The following RIN2 variants were observed in gnomAD, a reference collection of about 807,000 sequenced individuals.
RIN2 encodes RAB5 interacting protein 2.
Under a neutral mutation model 78.0 loss-of-function variants are expected in RIN2, and 36 were observed. That is an observed-to-expected ratio of 0.46 (90% CI 0.35 to 0.61). The LOEUF is 0.61. RIN2 is among the 20% of genes least tolerant of loss of function. The probability of loss-of-function intolerance (pLI) is 0.00; values close to 1 mark genes in which losing one functional copy is unlikely to be tolerated. For synonymous variants in RIN2, 466 were observed against 466.8 expected, an observed-to-expected ratio of 1.00 and a Z score of 0.02; for missense variants, 1,087 against 1,159.7, an observed-to-expected ratio of 0.94 and a Z score of 0.91.
At chr20:19,994,366 T>A (rs1388654226) in intron 11 of RIN2, among the ~76,000 whole-genome samples, 1 of 152,190 alleles carries the variant, frequency 6.6e-6, no homozygotes, top group East Asian at 1.9e-4. Flanking sequence ...AAAGTCCTCT[T>A]TGGTTTGCGG....
rs184285100 is a variant in RIN2, at chr20:19,868,718, A to T, written c.-36-20848A>T. ...GGGGACCCAGAAAGGGGAAGGGCTGATAATGGGAATAGGTAATGAAGGGAA... is the reference window on the plus strand; with the variant it reads ...GGGGACCCAGAAAGGGGAAGGGCTGTTAATGGGAATAGGTAATGAAGGGAA... On this transcript the variant is annotated intron_variant, in intron 2 of 12. Transcript: ENST00000255006. Among the ~76,000 whole-genome samples the T allele has an allele frequency of 1.3e-3, 194 of 152,280 alleles. 3 individuals are homozygous for T. Among genetic ancestry groups the T allele is most frequent in the Non-Finnish European group, 2.5e-4 (17 of 68,020 alleles).
At chr20:19,941,647 AC>A (rs1213907146) in intron 4 of RIN2, among the ~76,000 whole-genome samples, 1 of 152,098 alleles carries the variant, frequency 6.6e-6, no homozygotes, top group African/African-American at 2.4e-5. Flanking sequence ...CGGCTATGTC[AC>A]TGAGGATTCT....
In RIN2 at chr20:19,805,508, TCTC is replaced by T. The variant is rs548792113; in HGVS notation, c.-37+5764_-37+5766del. 2.7e-3 allele frequency among the ~76,000 whole-genome samples: 407 copies of T among 152,182 alleles called. 3 individuals carry two copies. Among genetic ancestry groups the T allele is most frequent in the African/African-American group, 9.6e-3 (400 of 41,500 alleles). On this transcript the variant is annotated intron_variant, in intron 2 of 12. Coordinates refer to ENST00000255006, the MANE Select transcript of RIN2 (RefSeq NM_018993.4). Reference sequence around the variant, plus strand: ...CCTCCACCTCCTGGGTTCAAGCAGTTCTCCTACCTCAGCCTCCCAGGTAGCTGG... The same window carrying T: ...CCTCCACCTCCTGGGTTCAAGCAGTTCTACCTCAGCCTCCCAGGTAGCTGG...
intron 2 of RIN2, among the ~76,000 whole-genome samples, chr20:19,866,000 G>A (rs2037494954): frequency 6.6e-6 from 1 of 151,922 alleles, no homozygotes; most frequent in Non-Finnish European, 1.5e-5. Flanking sequence ...CATTTATTGT[G>A]TACTTTATTT....
chr20:19,876,910 AAAAC>A (rs2037874360), intron 2 of RIN2, among the ~76,000 whole-genome samples: 1 of 151,378 alleles, frequency 6.6e-6, no homozygotes, highest in Non-Finnish European at 1.5e-5. Flanking sequence ...TCAAAAAAAA[AAAAC>A]AAAAAACAAA....
At chr20:19,758,688 T>TGTGC (rs1442630674) in intron 1 of RIN2, among the ~76,000 whole-genome samples, 1 of 151,884 alleles carries the variant, frequency 6.6e-6, no homozygotes, top group African/African-American at 2.4e-5. Context: ...GAGGTGCGGG[T>TGTGC]GTGCGTGCGT....
chr20:19,903,472 T>G lies in RIN2; in HGVS notation c.57+13814T>G, dbSNP rs151070526. ...AGGGGTGTTTCTTCCTTTCTCATTC[T>G]ACTTCCAGATTCTAGGCTTGTTTCA... On this transcript the variant is annotated intron_variant, in intron 3 of 12. Coordinates refer to ENST00000255006, the MANE Select transcript of RIN2 (RefSeq NM_018993.4). 1.8e-3 allele frequency among the ~76,000 whole-genome samples: 268 copies of G among 152,360 alleles called. 1 individual carries two copies. The highest frequency in any genetic ancestry group is 7.7e-3 in the East Asian group (40 of 5,186).
chr20:19,890,794 A>T (rs1476440372), intron 3 of RIN2, among the ~76,000 whole-genome samples: 2 of 151,890 alleles, frequency 1.3e-5, no homozygotes, highest in Non-Finnish European at 2.9e-5. Flanking sequence ...TTCATGTCTA[A>T]GCCAGGGGAG....
At chr20:19,807,698 A>C (rs561086648) in intron 2 of RIN2, among the ~76,000 whole-genome samples, 7 of 152,204 alleles carry the variant, frequency 4.6e-5, no homozygotes, top group Non-Finnish European at 8.8e-5. Context: ...TAAAAGCAGC[A>C]AGTAGAATGA....
intron 3 of RIN2, among the ~76,000 whole-genome samples, chr20:19,909,342 G>T (rs796639480): frequency 4.6e-5 from 7 of 152,218 alleles, no homozygotes; most frequent in East Asian, 1.9e-4. Flanking sequence ...GCCTTCAGAG[G>T]TTCCCAAATA....
At chr20:19,904,784 C>T (rs186439568) in intron 3 of RIN2, among the ~76,000 whole-genome samples, 27 of 152,240 alleles carry the variant, frequency 1.8e-4, no homozygotes, top group African/African-American at 5.8e-4. Context: ...AAAGCTCACC[C>T]GGCATTAGCA....
chr20:19,865,723 G>C (rs1039368292), intron 2 of RIN2, among the ~76,000 whole-genome samples: 1 of 151,802 alleles, frequency 6.6e-6, no homozygotes, highest in South Asian at 2.1e-4. Flanking sequence ...TCAAACTCCT[G>C]ACCTTAAGCA....
At chr20:19,863,469 A>T (rs1280180036) in intron 2 of RIN2, among the ~76,000 whole-genome samples, 2 of 152,098 alleles carry the variant, frequency 1.3e-5, no homozygotes, top group Non-Finnish European at 2.9e-5. Context: ...CCAATGACTG[A>T]TGGAAGTCAG....
chr20:19,936,545 A>G (rs1169396323), intron 4 of RIN2, among the ~76,000 whole-genome samples: 6 of 152,088 alleles, frequency 3.9e-5, no homozygotes, highest in African/African-American at 1.4e-4. Context: ...GATCAACCCC[A>G]AGCTCCACAG....
At chr20:19,813,779 C>T (rs781749884) in intron 2 of RIN2, among the ~76,000 whole-genome samples, 111 of 152,280 alleles carry the variant, frequency 7.3e-4, no homozygotes, top group Non-Finnish European at 8.1e-4. Context: ...GAATGTCCCA[C>T]ATGATTAATT....
Position 19,967,811 on chromosome 20 carries a change from CGGAATAGA to C in RIN2, c.536+2800_536+2807del, listed in dbSNP as rs371574825. On this transcript the variant is annotated intron_variant, in intron 7 of 12. Coordinates refer to ENST00000255006, the MANE Select transcript of RIN2 (RefSeq NM_018993.4). The stretch of plus-strand genomic sequence containing the variant: ...AGGCTAATGCTGCTTGTCCTCAGAC[CGGAATAGA>C]GGAATAGAGGAAATAATAATTTTAG... Among the ~76,000 whole-genome samples the C allele has an allele frequency of 1.9e-3, 290 of 152,206 alleles. 2 individuals are homozygous for C. The highest frequency in any genetic ancestry group is 6.0e-3 in the African/African-American group (251 of 41,520).
chr20:19,869,461 C>G (rs1225139731), intron 2 of RIN2, among the ~76,000 whole-genome samples: 1 of 152,098 alleles, frequency 6.6e-6, no homozygotes, highest in Non-Finnish European at 1.5e-5. Flanking sequence ...AGGGAAGGGC[C>G]AAACCAAGAG....
chr20:19,972,992 A>G (rs2146310107), intron 8 of RIN2, among the ~76,000 whole-genome samples: 1 of 152,316 alleles, frequency 6.6e-6, no homozygotes, highest in Middle Eastern at 3.4e-3. Flanking sequence ...AATGTTTTAC[A>G]TTCTTTTTTT....
At chr20:19,822,246 G>A (rs183079038) in intron 2 of RIN2, among the ~76,000 whole-genome samples, 1 of 152,066 alleles carries the variant, frequency 6.6e-6, no homozygotes, top group African/African-American at 2.4e-5. Flanking sequence ...CTGAGACAGT[G>A]GGGTGAGAAA....
Sources: gnomAD v4.1 joint callset for allele counts (sites outside exome capture counted in the v4.1 genomes callset) on GRCh38, gnomAD v4.1.1 for gene constraint, MANE v1.5 for transcripts, NCBI Gene and HGNC (gene_info 2026-07-23, HGNC 2026-07-21) for gene names.